The following PLXNC1 variants were observed in gnomAD, a reference collection of about 807,000 sequenced individuals.
The protein encoded by PLXNC1 is plexin C1.
PLXNC1 carries 75 observed loss-of-function variants against 178.2 expected under a neutral mutation model. The observed-to-expected ratio is 0.42, with a 90% CI of 0.35 to 0.51. PLXNC1 has a LOEUF of 0.51. Among genes scored for constraint, PLXNC1 ranks in the 20% least tolerant of loss-of-function variants. The pLI is 0.02. For synonymous variants in PLXNC1, 790 were observed against 779.9 expected (o/e 1.01, Z -0.22); for missense variants, 1,503 against 1,984.4 (o/e 0.76, Z 4.61).
At position 94,304,021 on chromosome 12, in the gene PLXNC1, T is replaced by C. The variant is rs1304810960; in HGVS notation, c.4572T>C (p.Ile1524=). 6.3e-7 allele frequency: 1 copy of C among 1,579,938 alleles called. No homozygotes were observed. The highest frequency in any genetic ancestry group is 8.7e-7 in the Non-Finnish European group (1 of 1,149,974). ...EFNEEVALTE[I]YKYIVKYFDE... ...ATGAAGAAGTGGCCTTGACAGAAAT[T>C]TACAAATACATCGTAAAATATTTTG... Residue 1524 remains isoleucine, a synonymous_variant, in exon 30 of 31, where the codon ATT becomes ATC. Coordinates refer to ENST00000258526, the MANE Select transcript of PLXNC1 (RefSeq NM_005761.3).
At chr12:94,176,684 T>C (rs928814531) in intron 2 of PLXNC1, among the ~76,000 whole-genome samples, 1 of 152,196 alleles carries the variant, frequency 6.6e-6, no homozygotes, top group Non-Finnish European at 1.5e-5. Context: ...TGGTCTTGAC[T>C]TCCAAGGCAA....
chr12:94,265,016 A>G, intron 20 of PLXNC1, 63 bp from the exon 21 acceptor site: 2 of 1,537,000 alleles, frequency 1.3e-6, no homozygotes, highest in Admixed American at 1.8e-5. Context: ...AGAAACTTTA[A>G]TTCTTTGGAA....
At chr12:94,176,331 T>A (rs1962047837) in intron 2 of PLXNC1, 1 of 152,218 alleles carries the variant, frequency 6.6e-6, no homozygotes, top group African/African-American at 2.4e-5. Context: ...GTTCCATTAG[T>A]GCCTGTGGGC....
intron 22 of PLXNC1, among the ~76,000 whole-genome samples, chr12:94,280,953 T>A (rs1966394918): frequency 6.6e-6 from 1 of 152,206 alleles, no homozygotes; most frequent in Non-Finnish European, 1.5e-5. Context: ...TTTCCCAGAC[T>A]ACCTCCAGAA....
chr12:94,233,542 C>T (rs73366635), intron 9 of PLXNC1, among the ~76,000 whole-genome samples: 2,025 of 152,286 alleles, frequency 0.013, 43 homozygotes, highest in African/African-American at 0.046. Context: ...TTGATCTCTT[C>T]GCACAGGGCA....
At chr12:94,202,601 A>G (rs1256564944) in intron 4 of PLXNC1, among the ~76,000 whole-genome samples, 1 of 152,234 alleles carries the variant, frequency 6.6e-6, no homozygotes, top group Non-Finnish European at 1.5e-5. Flanking sequence ...CCCTTGAACA[A>G]GGAATGTGAT....
At chr12:94,219,952 G>C in intron 5 of PLXNC1, 64 bp from the exon 6 acceptor site, 1 of 1,473,614 alleles carries the variant, frequency 6.8e-7, no homozygotes. Context: ...GATCATATGA[G>C]GCTCTATGAT....
In PLXNC1 at chr12:94,294,556, T is replaced by C. The variant is rs1967713968; in HGVS notation, c.3934+16T>C. On this transcript the variant is annotated intron_variant, in intron 24 of 30. Transcript: ENST00000258526. The stretch of plus-strand genomic sequence containing the variant: ...TTTACTTCAGGTAACCAATATAATA[T>C]TGTTAACCTTTTGTTCTCACCCAGC... 1.8e-6 allele frequency: 2 copies of C among 1,105,104 alleles called. No individual in the cohort carries two copies. The highest frequency in any genetic ancestry group is 2.5e-5 in the East Asian group (1 of 40,678). 68.5% of individuals were successfully genotyped at this position (1,105,104 alleles called of 1,614,324 possible).
chr12:94,218,984 G>C (rs1963719267), intron 5 of PLXNC1, among the ~76,000 whole-genome samples: 1 of 152,138 alleles, frequency 6.6e-6, no homozygotes, highest in South Asian at 2.1e-4. Context: ...AAAGTCATGT[G>C]TTTGGATGGG....
At chr12:94,168,097 TC>T (rs1961690596) in intron 1 of PLXNC1, 2 of 152,288 alleles carry the variant, frequency 1.3e-5, no homozygotes, top group Admixed American at 1.3e-4. Context: ...AGTCTTAGCC[TC>T]CCCCTCCCCA....
rs367975091 is a variant in PLXNC1 at position 94,205,040 on chromosome 12, A to G, written c.1440-4550A>G. ...TGAAATTTGAGTGGCAGGAAGTAGA[A>G]GTTACATTTCTGAGTTCAGAGTTTC... is the stretch of plus-strand genomic sequence containing the variant. On this transcript the variant is annotated intron_variant, in intron 4 of 30. Transcript: ENST00000258526. Among the ~76,000 whole-genome samples, 10 of 152,260 alleles carry G rather than the reference A, an allele frequency of 6.6e-5. No homozygotes were observed. The East Asian group carries it at 1.9e-3, about 29-fold the overall frequency.
intron 2 of PLXNC1, among the ~76,000 whole-genome samples, chr12:94,178,146 T>G (rs1962170510): frequency 6.6e-6 from 1 of 152,210 alleles, no homozygotes; most frequent in South Asian, 2.1e-4. Context: ...CTCCCTTACT[T>G]TTATTCCCTG....
intron 4 of PLXNC1, among the ~76,000 whole-genome samples, chr12:94,194,782 G>A (rs1490109730): frequency 1.3e-5 from 2 of 152,138 alleles, no homozygotes; most frequent in Admixed American, 6.5e-5. Context: ...ACCTGCCTCA[G>A]AGGTTTGCTG....
intron 21 of PLXNC1, chr12:94,272,379 GC>G (rs1965626269): frequency 6.6e-6 from 1 of 152,394 alleles, no homozygotes; most frequent in Non-Finnish European, 1.5e-5. Flanking sequence ...TGTAAGCAGG[GC>G]TGTAGAAAGG....
At chr12:94,252,248 T>G (rs2136069843) in intron 15 of PLXNC1, among the ~76,000 whole-genome samples, 1 of 152,104 alleles carries the variant, frequency 6.6e-6, no homozygotes, top group East Asian at 1.9e-4. Flanking sequence ...CAGTCTTGAT[T>G]TTCTGGGCAG....
chr12:94,266,304 G>A (rs150865879), intron 21 of PLXNC1, among the ~76,000 whole-genome samples: 27 of 152,328 alleles, frequency 1.8e-4, no homozygotes, highest in African/African-American at 6.5e-4. Context: ...CTCCATCAAA[G>A]ATGGCACCAT....
At chr12:94,283,682 C>T (rs902887831) in intron 23 of PLXNC1, among the ~76,000 whole-genome samples, 3 of 152,166 alleles carry the variant, frequency 2.0e-5, no homozygotes, top group Non-Finnish European at 4.4e-5. Context: ...GAGATGAAAT[C>T]ATAGGAAGTC....
Position 94,281,004 on chromosome 12 carries a change from C to T in PLXNC1, c.3776-1294C>T, listed in dbSNP as rs558761205. On this transcript the variant is annotated intron_variant, in intron 22 of 30. Coordinates refer to ENST00000258526, the MANE Select transcript of PLXNC1 (RefSeq NM_005761.3). Reference sequence around the variant, plus strand: ...TACTGAAATCCAACACCAGGCTGGACGTGGTGGCTCACGCCTGTAATCCCA... The same window carrying T: ...TACTGAAATCCAACACCAGGCTGGATGTGGTGGCTCACGCCTGTAATCCCA... 3.9e-5 allele frequency among the ~76,000 whole-genome samples: 6 copies of T among 152,320 alleles called. No individual in the cohort carries two copies. The East Asian group carries it at 9.7e-4, about 25-fold the overall frequency.
rs779166104 is a variant in PLXNC1 at position 94,226,655 on chromosome 12, G to C, written c.1841G>C (p.Arg614Thr). 1.2e-6 allele frequency: 2 copies of C among 1,613,962 alleles called. No homozygotes were observed. The highest frequency in any genetic ancestry group is 1.7e-6 in the Non-Finnish European group (2 of 1,179,864). The change falls in exon 8 of 31, where the codon AGG (arginine) becomes ACG (threonine). Residue 614 changes from arginine to threonine, a missense_variant. By Grantham distance (71) the Arg-to-Thr change is moderately conservative (BLOSUM62 -1). This residue lies in a region of PLXNC1 where 615 missense variants were observed against 698.6 expected (regional missense o/e 0.88). Coordinates refer to ENST00000258526, the MANE Select transcript of PLXNC1 (RefSeq NM_005761.3). ...TGCGCGTGGTGTAAAAGTGCAAGAA[G>C]GTGTATCCACCCCTTCACAGCTTGC... ...TGCAWCKSARRCIHPFTACDP... is the reference protein window; with the variant it reads ...TGCAWCKSARTCIHPFTACDP...
Sources: allele counts gnomAD v4.1 joint callset (sites outside exome capture counted in the v4.1 genomes callset), GRCh38; gene constraint gnomAD v4.1.1; regional missense constraint gnomAD v4.1.1; transcripts MANE v1.5; gene names NCBI Gene and HGNC (gene_info 2026-07-23, HGNC 2026-07-21).